The following MYO15A variants were observed in gnomAD, a reference collection of about 807,000 sequenced individuals.
MYO15A encodes unconventional myosin-XV.
Under a neutral mutation model 394.6 loss-of-function variants are expected in MYO15A, and 308 were observed. The ratio of observed to expected loss-of-function variants is 0.78; its 90% CI spans 0.71 to 0.86. The LOEUF is 0.86. Among genes scored for constraint, MYO15A ranks in the 40% least tolerant of loss-of-function variants. The probability of loss-of-function intolerance (pLI) is 0.00; values close to 1 mark genes in which losing one functional copy is unlikely to be tolerated. For synonymous variants in MYO15A, 1,957 were observed against 2,003.8 expected (o/e 0.98, Z 0.62); for missense variants, 4,606 against 4,799.1 (o/e 0.96, Z 1.19).
At chr17:18,126,533 G>A in intron 5 of MYO15A, 77 bp downstream of exon 5, 1 of 1,387,826 alleles carries the variant, frequency 7.2e-7, no homozygotes, top group Non-Finnish European at 1.0e-6. Flanking sequence ...GATCCCGGCT[G>A]CACCTGAGCC....
chr17:18,151,339 G>C (rs185875797), intron 39 of MYO15A, 49 bp downstream of exon 39: 1 of 1,614,194 alleles, frequency 6.2e-7, no homozygotes, highest in Non-Finnish European at 8.5e-7. Flanking sequence ...AGGCCTGGTG[G>C]TGTGGTTGTG....
At position 18,179,118 on chromosome 17, in the gene MYO15A, G is replaced by A. The variant is rs949707293; in HGVS notation, c.*248G>A. The stretch of plus-strand genomic sequence containing the variant: ...AACTTTCAAAAGTCTGGCCCACTGT[G>A]CAGTGGAGCAGAAGGCAGGACCATG... On this transcript the variant is annotated 3_prime_UTR_variant, in exon 66 of 66. Coordinates refer to ENST00000647165, the MANE Select transcript of MYO15A (RefSeq NM_016239.4). The A allele has an allele frequency of 8.1e-5, 47 of 581,412 alleles. No homozygotes were observed. Among genetic ancestry groups the A allele is most frequent in the Admixed American group, 1.7e-4 (6 of 35,290 alleles). The allele number at this position is 581,412 out of a possible 1,614,324, so 36.0% of individuals were successfully genotyped here. A position where few individuals can be genotyped will look rare whatever the true frequency, so the allele number is the denominator to read the frequency against.
At chr17:18,163,948 C>G in intron 60 of MYO15A, 110 bp downstream of exon 60, 1 of 1,087,098 alleles carries the variant, frequency 9.2e-7, no homozygotes, top group Non-Finnish European at 1.4e-6. Context: ...CCACTTCCTC[C>G]AGGAAGCCCC....
chr17:18,172,413 T>G, intron 64 of MYO15A, 123 bp downstream of exon 64: 1 of 1,393,546 alleles, frequency 7.2e-7, no homozygotes, highest in Non-Finnish European at 1.0e-6. Context: ...CTTCATGATC[T>G]CAGGCAAGTC....
intron 12 of MYO15A, 74 bp downstream of exon 12, chr17:18,133,460 T>C: frequency 2.5e-6 from 4 of 1,579,250 alleles, no homozygotes; most frequent in Non-Finnish European, 1.7e-6. Context: ...GCCTTCTCTG[T>C]TTCCCTTTCA....
At position 18,137,656 on chromosome 17, in the gene MYO15A, A is replaced by G. The variant is rs757769121; in HGVS notation, c.4852A>G (p.Lys1618Glu). ...ANENLQYLFN[K>E]IVFQEEQEEY... ...CGAGAACCTTCAGTACCTTTTCAACAAGATCGTCTTCCAGGAGGAGCAGGT... is the reference window on the plus strand; with the variant it reads ...CGAGAACCTTCAGTACCTTTTCAACGAGATCGTCTTCCAGGAGGAGCAGGT... The change falls in exon 16 of 66, where the codon AAG (lysine) becomes GAG (glutamate). Residue 1618 changes from lysine (K) to glutamate (E), a missense_variant. Lys to Glu is a moderately conservative substitution (Grantham distance 56). This residue lies in a region of MYO15A where 2,776 missense variants were observed against 3,109.3 expected (regional missense o/e 0.89). Coordinates refer to ENST00000647165, the MANE Select transcript of MYO15A (RefSeq NM_016239.4). 3.1e-6 allele frequency: 5 copies of G among 1,614,082 alleles called. No individual in the cohort carries two copies. Among genetic ancestry groups the G allele is most frequent in the Middle Eastern group, 1.6e-4 (1 of 6,078 alleles).
At chr17:18,111,740 G>A (rs9891617) in intron 1 of MYO15A, among the ~76,000 whole-genome samples, 1,596 of 152,354 alleles carry the variant, frequency 0.01, 21 homozygotes, top group African/African-American at 0.037. Context: ...GCAGCAGCCT[G>A]TAGCAATGAC....
rs1229274680 is a variant in MYO15A at position 18,147,333 on chromosome 17, C to T, written c.6510-696C>T. Among the ~76,000 whole-genome samples, 1 of 152,232 alleles carries T rather than the reference C, an allele frequency of 6.6e-6. No individual in the cohort carries two copies. The highest frequency in any genetic ancestry group is 1.5e-5 in the Non-Finnish European group (1 of 68,040). The stretch of plus-strand genomic sequence containing the variant: ...CTTGTGACTCTGTGGCAGCTGACAG[C>T]AGGGTAAGGCCGTTGCTGGTCTGCC... On this transcript the variant is annotated intron_variant, in intron 30 of 65. Transcript: ENST00000647165. The surrounding 1 kb of genome is among the most constrained non-coding windows in gnomAD (Gnocchi z 4.4).
Position 18,120,583 on chromosome 17 carries a change from G to A in MYO15A, c.1783G>A (p.Ala595Thr), listed in dbSNP as rs2955365. The change falls in exon 2 of 66, where the codon GCC becomes ACC. Residue 595 changes from alanine to threonine, a missense_variant. Around this residue, in one of 2 missense-constraint regions of MYO15A, gnomAD observed 1,830 missense variants for 1,689.7 expected, o/e 1.08. Transcript: ENST00000647165. ...CGCGCGGCTCAGGGGCAGCCAGAAGGCCCGGGCGGGCGGCCCTGCTGTCAG... is the reference window on the plus strand; with the variant it reads ...CGCGCGGCTCAGGGGCAGCCAGAAGACCCGGGCGGGCGGCCCTGCTGTCAG... ...PIARLRGSQKARAGGPAVREA... is the reference protein window; with the variant it reads ...PIARLRGSQKTRAGGPAVREA... 0.37 allele frequency: 583,527 copies of A among 1,595,982 alleles called. 117,170 individuals are homozygous for A. Among genetic ancestry groups the A allele is most frequent in the South Asian group, 0.7 (62,944 of 89,658 alleles).
At position 18,167,565 on chromosome 17, in the gene MYO15A, C is replaced by T. The variant is rs367967687; in HGVS notation, c.9949-25C>T. 229 of 1,600,530 alleles carry T rather than the reference C, an allele frequency of 1.4e-4. 2 individuals carry two copies. The South Asian group carries it at 2.3e-3, about 16-fold the overall frequency. On this transcript the variant is annotated intron_variant, in intron 61 of 65. Coordinates refer to ENST00000647165, the MANE Select transcript of MYO15A (RefSeq NM_016239.4). The stretch of plus-strand genomic sequence containing the variant: ...GCCTGCACGCGTGCCTGCCTGGCAG[C>T]CCCTCACCCAGGTGCTCCCTGCAGG...
intron 59 of MYO15A, 36 bp downstream of exon 59, chr17:18,163,357 G>A (rs775832060): frequency 6.9e-6 from 11 of 1,601,666 alleles, no homozygotes; most frequent in African/African-American, 1.3e-5. Context: ...CCAGGTACTG[G>A]AGGGGCAGGG....
chr17:18,123,041 C>T (rs964775323), intron 2 of MYO15A: 3 of 152,534 alleles, frequency 2.0e-5, no homozygotes, highest in Non-Finnish European at 4.4e-5. Flanking sequence ...GGCAGCCCTT[C>T]GGATGGGTGC....
chr17:18,144,798 G>A (rs1012282452), intron 29 of MYO15A, among the ~76,000 whole-genome samples: 2 of 88,882 alleles, frequency 2.3e-5, no homozygotes, highest in Admixed American at 1.2e-4. Context: ...CCATCTTCCT[G>A]GCAAAAAAAA....
rs202026399 is a variant in MYO15A, at chr17:18,169,970, C to CAAAA, written c.10083-1644_10083-1641dup. Among the ~76,000 whole-genome samples, 6 of 59,764 alleles carry CAAAA rather than the reference C, an allele frequency of 1.0e-4. 1 individual carries two copies. The highest frequency in any genetic ancestry group is 4.0e-4 in the African/African-American group (5 of 12,594). 39.2% of individuals were successfully genotyped at this position (59,764 alleles called of 152,430 possible). A position where few individuals can be genotyped will look rare whatever the true frequency, so the allele number is the denominator to read the frequency against. On this transcript the variant is annotated intron_variant, in intron 62 of 65. Coordinates refer to ENST00000647165, the MANE Select transcript of MYO15A (RefSeq NM_016239.4). ...TAGGTAACAGAGCAAGACCCTGTCT[C>CAAAA]AAAAAAAAAAAAAAAAAAAAAAAAA...
intron 61 of MYO15A, 26 bp downstream of exon 61, chr17:18,166,547 C>T (rs1428097394): frequency 6.2e-7 from 1 of 1,609,364 alleles, no homozygotes; most frequent in South Asian, 1.1e-5. Flanking sequence ...CTTCTCTGGA[C>T]TCTGGGACCT....
In MYO15A at chr17:18,171,701, C is replaced by T. The variant is rs771349900; in HGVS notation, c.10146C>T (p.Leu3382=). The change falls in exon 63 of 66, where the codon CTC becomes CTT. Residue 3382 remains leucine (L), a synonymous_variant. Transcript: ENST00000647165. The part of the protein sequence containing the change: ...LYRTTAGSTW[L]NLVSQHRQQT... ...GTACAACGGCAGGCTCGACCTGGCT[C>T]AACCTGGTCAGCCAGCACCGGCAGC... 5 of 1,613,094 alleles carry T rather than the reference C, an allele frequency of 3.1e-6. No homozygotes were observed. The highest frequency in any genetic ancestry group is 1.1e-5 in the South Asian group (1 of 91,080).
rs1241008761 is a variant in MYO15A, at chr17:18,156,289, C to T, written c.8554C>T (p.His2852Tyr). The change falls in exon 48 of 66, where the codon CAC (histidine) becomes TAC (tyrosine). Residue 2852 changes from histidine (H) to tyrosine (Y), a missense_variant. Transcript: ENST00000647165. ...EKVILFSARA[H>Y]QVKTLVDDFI... ...GGTCATCCTCTTCTCAGCCCGAGCGCACCAGGTCAAGACCCTGGTAGATGA... is the reference window on the plus strand; with the variant it reads ...GGTCATCCTCTTCTCAGCCCGAGCGTACCAGGTCAAGACCCTGGTAGATGA... The T allele has an allele frequency of 1.9e-6, 3 of 1,614,134 alleles. No homozygotes were observed. The highest frequency in any genetic ancestry group is 1.7e-5 in the Admixed American group (1 of 60,022).
intron 12 of MYO15A, among the ~76,000 whole-genome samples, chr17:18,133,943 C>T (rs537212276): frequency 2.0e-5 from 3 of 152,140 alleles, no homozygotes; most frequent in Admixed American, 2.0e-4. Context: ...TAGGCATGAG[C>T]CACCGCGCCC....
chr17:18,141,077 T>C lies in MYO15A; in HGVS notation c.5465T>C (p.Leu1822Pro), dbSNP rs2046370515. ...VMAQLRYSGV[L>P]ETVRIRKEGF... ...GCACAATTACGCTATTCAGGGGTGC[T>C]GGAGACCGTGAGGATCCGCAAGGAG... Residue 1822 changes from leucine to proline, a missense_variant, in exon 22 of 66, where the codon CTG (leucine) becomes CCG (proline). Leu to Pro is a moderately conservative substitution (Grantham distance 98, BLOSUM62 -3). This residue lies in a region of MYO15A where 2,776 missense variants were observed against 3,109.3 expected (regional missense o/e 0.89). Transcript: ENST00000647165. The C allele has an allele frequency of 1.9e-6, 3 of 1,613,962 alleles. No individual in the cohort carries two copies. Among genetic ancestry groups the C allele is most frequent in the East Asian group, 2.2e-5 (1 of 44,884 alleles).
Sources: gnomAD v4.1 joint callset for allele counts (sites outside exome capture counted in the v4.1 genomes callset) on GRCh38, gnomAD v4.1.1 for gene constraint, gnomAD v4.1.1 regional missense constraint, Gnocchi (gnomAD v3.1) non-coding constraint, MANE v1.5 for transcripts, NCBI Gene and HGNC (gene_info 2026-07-23, HGNC 2026-07-21) for gene names.